The following SH3PXD2A variants were observed in gnomAD, a reference collection of about 807,000 sequenced individuals.
SH3PXD2A encodes SH3 and PX domain-containing protein 2A.
In SH3PXD2A, 32 loss-of-function variants were observed where a neutral mutation model predicts 115.2. The ratio of observed to expected loss-of-function variants is 0.28; its 90% CI spans 0.21 to 0.37. The LOEUF (loss-of-function observed/expected upper bound fraction) is 0.37, where lower values mean the gene tolerates loss of function less well. Ranked by LOEUF, SH3PXD2A falls within the 10% of genes least tolerant of loss-of-function variation. SH3PXD2A has a pLI of 1.00. For missense variants in SH3PXD2A, 1,328 were observed against 1,498.7 expected (o/e 0.89, Z 1.88); for synonymous variants, 610 against 629.1 (o/e 0.97, Z 0.45).
At position 103,784,321 on chromosome 10, in the gene SH3PXD2A, C is replaced by T. The variant is rs1239309491; in HGVS notation, c.153+16961G>A. ...GCGGTCCTGTCCCACACCTTGCCCA[C>T]GTGGATGCCCGTGCCTGGAGCGCCT... On this transcript the variant is annotated intron_variant, in intron 2 of 14. Transcript: ENST00000369774. This position sits in a 1 kb window ranked among gnomAD's most constrained non-coding sequence, Gnocchi z 4.4. Among the ~76,000 whole-genome samples, 2 of 152,198 alleles carry T rather than the reference C, an allele frequency of 1.3e-5. No homozygotes were observed. Among genetic ancestry groups the T allele is most frequent in the Non-Finnish European group, 2.9e-5 (2 of 68,032 alleles).
In SH3PXD2A at chr10:103,603,334, A is replaced by G; in HGVS notation, c.1884T>C (p.Tyr628=). 6.2e-7 allele frequency: 1 copy of G among 1,614,162 alleles called. No homozygotes were observed. Among genetic ancestry groups the G allele is most frequent in the East Asian group, 2.2e-5 (1 of 44,862 alleles). The stretch of plus-strand genomic sequence containing the variant: ...CTCTGGCTGACAGGGTGTCCTCTGC[A>G]TATGGCCGGAAGCCCTCATTCTCAT... The part of the protein sequence containing the change: ...TIYENEGFRP[Y]AEDTLSARGS... Residue 628 remains tyrosine (Y), a synonymous_variant, in exon 15 of 15, where the codon TAT becomes TAC. Coordinates refer to ENST00000369774, the MANE Select transcript of SH3PXD2A (RefSeq NM_001394015.1).
chr10:103,835,789 A>G (rs943679621), intron 1 of SH3PXD2A, among the ~76,000 whole-genome samples: 1 of 152,098 alleles, frequency 6.6e-6, no homozygotes, highest in Non-Finnish European at 1.5e-5. Context: ...ACCACTCTAT[A>G]GTTCATGCAG....
At chr10:103,739,884 G>C (rs1436561773) in intron 3 of SH3PXD2A, among the ~76,000 whole-genome samples, 1 of 152,216 alleles carries the variant, frequency 6.6e-6, no homozygotes, top group Admixed American at 6.5e-5. Flanking sequence ...ACCAGCGAAG[G>C]AGTGGGGGCC....
intron 3 of SH3PXD2A, among the ~76,000 whole-genome samples, chr10:103,758,730 G>A (rs1227349854): frequency 2.6e-5 from 4 of 152,224 alleles, no homozygotes; most frequent in Non-Finnish European, 4.4e-5. Context: ...TACATCAAGA[G>A]AAGACAAAAT....
At chr10:103,764,008 A>T (rs1245608829) in intron 3 of SH3PXD2A, among the ~76,000 whole-genome samples, 1 of 152,128 alleles carries the variant, frequency 6.6e-6, no homozygotes, top group East Asian at 1.9e-4. Flanking sequence ...GTGAGAGCAT[A>T]CCCTCAAAAG....
chr10:103,605,130 G>A (rs2036281174), intron 14 of SH3PXD2A, among the ~76,000 whole-genome samples: 2 of 152,174 alleles, frequency 1.3e-5, no homozygotes, highest in East Asian at 1.9e-4. Context: ...GTGGAGGGGC[G>A]TCCCAGGATC....
intron 2 of SH3PXD2A, among the ~76,000 whole-genome samples, chr10:103,786,183 C>G (rs1177353480): frequency 1.3e-5 from 2 of 152,156 alleles, no homozygotes; most frequent in Non-Finnish European, 2.9e-5. Flanking sequence ...GAAAGGACTC[C>G]TCTCCTCTTC....
intron 5 of SH3PXD2A, among the ~76,000 whole-genome samples, chr10:103,695,126 C>T (rs980894201): frequency 6.6e-6 from 1 of 152,164 alleles, no homozygotes; most frequent in African/African-American, 2.4e-5. Flanking sequence ...AGGAGCTACC[C>T]TCTGCTGTCC....
intron 8 of SH3PXD2A, among the ~76,000 whole-genome samples, chr10:103,653,259 G>A (rs1398047216): frequency 6.6e-6 from 1 of 152,186 alleles, no homozygotes; most frequent in Non-Finnish European, 1.5e-5. Flanking sequence ...ACTGATGACC[G>A]ACCGACCAGC....
At chr10:103,662,487 CT>C (rs968011028) in intron 7 of SH3PXD2A, among the ~76,000 whole-genome samples, 1 of 147,764 alleles carries the variant, frequency 6.8e-6, no homozygotes, top group Admixed American at 6.7e-5. Flanking sequence ...GCAAGCTCCG[CT>C]TCCCGGGTTC....
intron 8 of SH3PXD2A, among the ~76,000 whole-genome samples, chr10:103,629,538 C>T (rs928223638): frequency 3.0e-4 from 46 of 152,224 alleles, no homozygotes; most frequent in African/African-American, 8.9e-4. Flanking sequence ...GGGATGCCCA[C>T]ACTGGGGCCA....
intron 8 of SH3PXD2A, among the ~76,000 whole-genome samples, chr10:103,654,810 C>T (rs1466794896): frequency 6.6e-6 from 1 of 151,916 alleles, no homozygotes; most frequent in East Asian, 1.9e-4. Context: ...TGAGAGGACC[C>T]AAGAAACTTC....
intron 1 of SH3PXD2A, among the ~76,000 whole-genome samples, chr10:103,822,017 C>G (rs1367651117): frequency 6.6e-6 from 1 of 152,124 alleles, no homozygotes; most frequent in Non-Finnish European, 1.5e-5. Context: ...AATTCTCCAG[C>G]CTCAGCCTCC....
intron 1 of SH3PXD2A, among the ~76,000 whole-genome samples, chr10:103,804,314 C>CTTTTTTT (rs58737094): frequency 2.0e-4 from 12 of 59,670 alleles, no homozygotes; most frequent in African/African-American, 3.3e-4. Flanking sequence ...TTGACATCAT[C>CTTTTTTT]TTTTTTTTTT....
intron 6 of SH3PXD2A, among the ~76,000 whole-genome samples, chr10:103,688,483 C>T (rs894689071): frequency 6.6e-6 from 1 of 152,098 alleles, no homozygotes; most frequent in Admixed American, 6.5e-5. Context: ...GAGTAATCTG[C>T]GGGGGAGGCT....
intron 2 of SH3PXD2A, among the ~76,000 whole-genome samples, chr10:103,800,074 G>T (rs981124780): frequency 1.3e-5 from 2 of 152,132 alleles, no homozygotes; most frequent in African/African-American, 4.8e-5. Context: ...AGAAAGGAGT[G>T]GACCCTGGCT....
At chr10:103,725,054 G>A (rs1232040986) in intron 4 of SH3PXD2A, among the ~76,000 whole-genome samples, 1 of 152,214 alleles carries the variant, frequency 6.6e-6, no homozygotes, top group Non-Finnish European at 1.5e-5. Context: ...GGACAACAAA[G>A]CACTATGATG....
chr10:103,791,670 A>T (rs1032139677), intron 2 of SH3PXD2A, among the ~76,000 whole-genome samples: 3 of 150,840 alleles, frequency 2.0e-5, no homozygotes, highest in Admixed American at 2.0e-4. Flanking sequence ...TTCCTTCCGT[A>T]CCTCTCTCCA....
chr10:103,605,536 T>C (rs1047071071), intron 14 of SH3PXD2A, among the ~76,000 whole-genome samples: 8 of 152,270 alleles, frequency 5.3e-5, no homozygotes, highest in African/African-American at 1.7e-4. Flanking sequence ...AAGGCCCCCC[T>C]GTCACAAGCT....
Sources: gnomAD v4.1 joint callset for allele counts (sites outside exome capture counted in the v4.1 genomes callset) on GRCh38, gnomAD v4.1.1 for gene constraint, Gnocchi (gnomAD v3.1) non-coding constraint, MANE v1.5 for transcripts, NCBI Gene and HGNC (gene_info 2026-07-23, HGNC 2026-07-21) for gene names.